Variants in MCTP2 observed in about 807,000 individuals in gnomAD.
The protein encoded by MCTP2 is multiple C2 and transmembrane domain containing 2, also known as multiple C2 and transmembrane domain-containing protein 2.
In MCTP2, 132 loss-of-function variants were observed where a neutral mutation model predicts 111.6. The observed-to-expected ratio is 1.18, with a 90% CI of 1.03 to 1.37. The LOEUF (loss-of-function observed/expected upper bound fraction) is 1.37, where lower values mean the gene tolerates loss of function less well. Ranked by LOEUF, MCTP2 falls within the 40% of genes most tolerant of loss-of-function variation. The pLI is 0.00. For missense variants in MCTP2, 1,183 were observed against 1,067.9 expected (o/e 1.11, Z -1.50); for synonymous variants, 395 against 387.7 (o/e 1.02, Z -0.22).
rs1216950365 is a variant in MCTP2 at position 94,479,220 on chromosome 15, T to G, written c.*186T>G. On this transcript the variant is annotated 3_prime_UTR_variant, in exon 23 of 23. Transcript: ENST00000357742. ...ATGTGCACACACCCTCATGCATGGGTGTCCTAGTTGCGTAGAGGGTCAGCC... is the reference window on the plus strand; with the variant it reads ...ATGTGCACACACCCTCATGCATGGGGGTCCTAGTTGCGTAGAGGGTCAGCC... The G allele has an allele frequency of 1.6e-6, 1 of 620,116 alleles. No individual in the cohort carries two copies. Among genetic ancestry groups the G allele is most frequent in the Non-Finnish European group, 2.9e-6 (1 of 342,466 alleles). 38.4% of individuals were successfully genotyped at this position (620,116 alleles called of 1,614,324 possible).
Position 94,243,175 on chromosome 15 carries a change from G to A in MCTP2, c.-66+11511G>A, listed in dbSNP as rs141382945. Among the ~76,000 whole-genome samples the A allele has an allele frequency of 1.3e-3, 196 of 146,874 alleles. 1 individual carries two copies. Among genetic ancestry groups the A allele is most frequent in the Non-Finnish European group, 2.4e-3 (156 of 65,646 alleles). On this transcript the variant is annotated intron_variant, in intron 1 of 22. Coordinates refer to ENST00000357742, the MANE Select transcript of MCTP2 (RefSeq NM_001385001.1). The stretch of plus-strand genomic sequence containing the variant: ...TACGTGTGTGTATATACATACGTAC[G>A]TATGTACGTATGCGTATATACGTAT...
At chr15:94,449,300 A>G (rs1339230893) in intron 19 of MCTP2, among the ~76,000 whole-genome samples, 1 of 152,192 alleles carries the variant, frequency 6.6e-6, no homozygotes, top group Non-Finnish European at 1.5e-5. Context: ...TCAGTACTCA[A>G]AACAAAATAT....
chr15:94,438,428 A>G (rs1015194818), intron 17 of MCTP2, among the ~76,000 whole-genome samples: 4 of 152,154 alleles, frequency 2.6e-5, no homozygotes, highest in Non-Finnish European at 4.4e-5. Flanking sequence ...GACAAAAAGA[A>G]CACGAGCGTC....
chr15:94,306,689 A>G (rs2152347881), intron 2 of MCTP2, among the ~76,000 whole-genome samples: 1 of 152,382 alleles, frequency 6.6e-6, no homozygotes, highest in East Asian at 1.9e-4. Flanking sequence ...CCCCTTTCCC[A>G]TAATCCATGA....
chr15:94,250,407 T>G (rs2045263), intron 1 of MCTP2, among the ~76,000 whole-genome samples: 5,751 of 152,302 alleles, frequency 0.038, 218 homozygotes, highest in East Asian at 0.12. Context: ...ATTTAAAATT[T>G]CATGTCGTGA....
At chr15:94,305,819 G>A (rs759052363) in intron 2 of MCTP2, among the ~76,000 whole-genome samples, 1 of 152,136 alleles carries the variant, frequency 6.6e-6, no homozygotes, top group Non-Finnish European at 1.5e-5. Context: ...CAGATGAAAT[G>A]TGAAGAAGCT....
intron 17 of MCTP2, among the ~76,000 whole-genome samples, chr15:94,419,700 A>T (rs1282136591): frequency 6.6e-6 from 1 of 151,604 alleles, no homozygotes; most frequent in Non-Finnish European, 1.5e-5. Flanking sequence ...TTTACATTAT[A>T]TAGGCAGGCA....
In MCTP2 at chr15:94,481,544, T is replaced by A. The variant is rs1048569880; in HGVS notation, c.*2510T>A. On this transcript the variant is annotated 3_prime_UTR_variant, in exon 23 of 23. Coordinates refer to ENST00000357742, the MANE Select transcript of MCTP2 (RefSeq NM_001385001.1). ...CCAGTTACATTATGCCTAGTTAATCTTCATTCAGACTGGAAGGACCTGCCC... is the reference window on the plus strand; with the variant it reads ...CCAGTTACATTATGCCTAGTTAATCATCATTCAGACTGGAAGGACCTGCCC... 1 of 152,286 alleles carries A rather than the reference T, an allele frequency of 6.6e-6. No homozygotes were observed. The highest frequency in any genetic ancestry group is 1.5e-5 in the Non-Finnish European group (1 of 68,088). The allele number at this position is 152,286 out of a possible 1,614,324, so 9.4% of individuals were successfully genotyped here.
chr15:94,444,562 A>G (rs1358313198), intron 19 of MCTP2, among the ~76,000 whole-genome samples: 1 of 152,182 alleles, frequency 6.6e-6, no homozygotes, highest in Admixed American at 6.5e-5. Flanking sequence ...TGTGGTTGAA[A>G]GGGGCTTGTT....
intron 12 of MCTP2, among the ~76,000 whole-genome samples, chr15:94,383,036 T>G (rs905878828): frequency 1.3e-5 from 2 of 150,734 alleles, no homozygotes; most frequent in African/African-American, 4.9e-5. Flanking sequence ...AGGTGAGAAG[T>G]GAAAGATGAG....
rs1170701518 is a variant in MCTP2, at chr15:94,245,296, A to G, written c.-66+13632A>G. ...TATACGTATATACACATATGTATAT[A>G]TTTATATACATATATGTACATATAT... On this transcript the variant is annotated intron_variant, in intron 1 of 22. Transcript: ENST00000357742. 3.5e-5 allele frequency among the ~76,000 whole-genome samples: 5 copies of G among 142,534 alleles called. No homozygotes were observed. The East Asian group carries it at 1.1e-3, about 30-fold the overall frequency. 93.5% of individuals were successfully genotyped at this position (142,534 alleles called of 152,430 possible). A position where few individuals can be genotyped will look rare whatever the true frequency, so the allele number is the denominator to read the frequency against.
chr15:94,269,332 A>G (rs1567305516), intron 1 of MCTP2, among the ~76,000 whole-genome samples: 1 of 152,232 alleles, frequency 6.6e-6, no homozygotes, highest in African/African-American at 2.4e-5. Context: ...ATTTGGGCAG[A>G]GTTTCAAATT....
rs2074682735 is a variant in MCTP2, at chr15:94,480,710, CAT to C, written c.*1677_*1678del. On this transcript the variant is annotated 3_prime_UTR_variant, in exon 23 of 23. Transcript: ENST00000357742. Reference sequence around the variant, plus strand: ...CCTAAGTCAGACATTTTTAAACAGACATGTGAGATCTGATCAGTCATTTGAAT... The same window carrying C: ...CCTAAGTCAGACATTTTTAAACAGACGTGAGATCTGATCAGTCATTTGAAT... 6.6e-6 allele frequency: 1 copy of C among 152,310 alleles called. No homozygotes were observed. Among genetic ancestry groups the C allele is most frequent in the East Asian group, 1.9e-4 (1 of 5,188 alleles). The allele number at this position is 152,310 out of a possible 1,614,324, so 9.4% of individuals were successfully genotyped here. A position where few individuals can be genotyped will look rare whatever the true frequency, so the allele number is the denominator to read the frequency against.
chr15:94,251,864 T>C (rs2072456147), intron 1 of MCTP2, among the ~76,000 whole-genome samples: 1 of 152,210 alleles, frequency 6.6e-6, no homozygotes, highest in Admixed American at 6.5e-5. Flanking sequence ...TTTAAGTAGC[T>C]CCCATAAGAG....
chr15:94,428,597 T>C (rs1404491273), intron 17 of MCTP2, among the ~76,000 whole-genome samples: 1 of 152,208 alleles, frequency 6.6e-6, no homozygotes, highest in Non-Finnish European at 1.5e-5. Flanking sequence ...TTCTCGGTTC[T>C]CTGTTTAACC....
rs112211032 is a variant in MCTP2, at chr15:94,479,475, G to A, written c.*441G>A. Reference sequence around the variant, plus strand: ...TCCTTTCAGATTATCGTTCATGGGCGTAAGTCTCTTCTCAGAGTTAACAAG... The same window carrying A: ...TCCTTTCAGATTATCGTTCATGGGCATAAGTCTCTTCTCAGAGTTAACAAG... On this transcript the variant is annotated 3_prime_UTR_variant, in exon 23 of 23. Transcript: ENST00000357742. 0.011 allele frequency: 1,984 copies of A among 174,706 alleles called. 24 individuals carry two copies. Among genetic ancestry groups the A allele is most frequent in the Middle Eastern group, 0.039 (15 of 382 alleles). The allele number at this position is 174,706 out of a possible 1,614,324, so 10.8% of individuals were successfully genotyped here.
chr15:94,473,692 G>T (rs2074111154), intron 21 of MCTP2, among the ~76,000 whole-genome samples: 1 of 152,098 alleles, frequency 6.6e-6, no homozygotes, highest in East Asian at 1.9e-4. Flanking sequence ...TTGCAAGAAG[G>T]ACCTATGCCT....
chr15:94,301,942 G>C (rs2075635332), intron 2 of MCTP2, among the ~76,000 whole-genome samples: 1 of 151,362 alleles, frequency 6.6e-6, no homozygotes, highest in East Asian at 1.9e-4. Context: ...TTTCTTCCTA[G>C]TTAATAGCTG....
intron 2 of MCTP2, among the ~76,000 whole-genome samples, chr15:94,310,902 A>T (rs1596325354): frequency 6.6e-6 from 1 of 151,954 alleles, no homozygotes; most frequent in East Asian, 1.9e-4. Flanking sequence ...TGAATATGTC[A>T]GTGCACTCCA....
Sources: allele counts gnomAD v4.1 joint callset (sites outside exome capture counted in the v4.1 genomes callset), GRCh38; gene constraint gnomAD v4.1.1; transcripts MANE v1.5; gene names NCBI Gene and HGNC (gene_info 2026-07-23, HGNC 2026-07-21).